Variants in PPIL6 observed in about 807,000 individuals in gnomAD.
PPIL6 encodes the protein peptidylprolyl isomerase like 6.
Under a neutral mutation model 36.8 loss-of-function variants are expected in PPIL6, and 39 were observed. That is an observed-to-expected ratio of 1.06 (90% CI 0.82 to 1.38). PPIL6 has a LOEUF of 1.38. PPIL6 is among the 40% of genes most tolerant of loss of function. The probability of loss-of-function intolerance (pLI) is 0.00; values close to 1 mark genes in which losing one functional copy is unlikely to be tolerated. For missense variants in PPIL6, 368 were observed against 379.1 expected (o/e 0.97, Z 0.24); for synonymous variants, 123 against 134.1 (o/e 0.92, Z 0.57).
chr6:109,419,626 T>C (rs1487005985), intron 5 of PPIL6, among the ~76,000 whole-genome samples: 1 of 151,552 alleles, frequency 6.6e-6, no homozygotes, highest in Admixed American at 6.6e-5. Flanking sequence ...GGGAGGCTGA[T>C]GCAGGAGAAT....
In PPIL6 at chr6:109,427,153, C is replaced by A; in HGVS notation, c.424G>T (p.Asp142Tyr). The A allele has an allele frequency of 6.2e-7, 1 of 1,610,600 alleles. No homozygotes were observed. The highest frequency in any genetic ancestry group is 1.1e-5 in the South Asian group (1 of 90,678). The change falls in exon 4 of 8, where the codon GAT (aspartate) becomes TAT (tyrosine). Residue 142 changes from aspartate to tyrosine, a missense_variant. Physicochemically the swap from Asp to Tyr is radical, Grantham distance 160. Coordinates refer to ENST00000521072, the MANE Select transcript of PPIL6 (RefSeq NM_173672.5). Reference protein sequence around the residue: ...SAKFLRDTKHDFVFLDICIDS... With the variant: ...SAKFLRDTKHYFVFLDICIDS... Reference sequence around the variant, plus strand: ...ATACAAATGTCCAAAAACACGAAATCATGCTGTGAAGATTAAGGAGAATCA... The same window carrying A: ...ATACAAATGTCCAAAAACACGAAATAATGCTGTGAAGATTAAGGAGAATCA...
At chr6:109,424,357 G>T (rs1773709203) in intron 5 of PPIL6, among the ~76,000 whole-genome samples, 1 of 152,096 alleles carries the variant, frequency 6.6e-6, no homozygotes, top group South Asian at 2.1e-4. Flanking sequence ...GTGCAACCGA[G>T]TGTGTAAGAG....
intron 1 of PPIL6, among the ~76,000 whole-genome samples, chr6:109,439,033 A>C (rs1233545821): frequency 2.6e-5 from 4 of 152,246 alleles, no homozygotes; most frequent in South Asian, 2.1e-4. Context: ...CACAGGAAAA[A>C]GCTAAACAGG....
chr6:109,392,689 T>C lies in PPIL6; in HGVS notation c.*137A>G, dbSNP rs530378434. The C allele has an allele frequency of 6.9e-6, 4 of 583,920 alleles. No individual in the cohort carries two copies. In the South Asian group the frequency reaches 8.6e-5, roughly 13 times the overall value. The allele number at this position is 583,920 out of a possible 1,614,324, so 36.2% of individuals were successfully genotyped here. On this transcript the variant is annotated 3_prime_UTR_variant, in exon 8 of 8. Transcript: ENST00000521072. ...GACAGGAAAGGAAGATGGGGAGGGA[T>C]TGGGTGTAGATGAGGCAACCTACAG...
intron 5 of PPIL6, among the ~76,000 whole-genome samples, chr6:109,425,642 G>A (rs779685938): frequency 6.6e-6 from 1 of 151,822 alleles, no homozygotes; most frequent in Non-Finnish European, 1.5e-5. Context: ...CTGGCTACTC[G>A]GGAGGCTGAG....
At chr6:109,399,945 T>C in intron 7 of PPIL6, 90 bp downstream of exon 7, 1 of 1,023,720 alleles carries the variant, frequency 9.8e-7, no homozygotes, top group Non-Finnish European at 1.4e-6. Flanking sequence ...TTTAGCTACC[T>C]ATACACTATA....
chr6:109,414,743 G>T (rs1028399523), intron 6 of PPIL6, among the ~76,000 whole-genome samples: 1 of 152,014 alleles, frequency 6.6e-6, no homozygotes. Context: ...TTGATCTACA[G>T]TTGACCCTTA....
chr6:109,439,214 T>C (rs948880800), intron 1 of PPIL6, among the ~76,000 whole-genome samples: 3 of 152,226 alleles, frequency 2.0e-5, no homozygotes, highest in Admixed American at 6.5e-5. Context: ...CATTAATACA[T>C]TAACTTTGTA....
At chr6:109,398,350 A>T (rs997215705) in intron 7 of PPIL6, among the ~76,000 whole-genome samples, 1 of 152,220 alleles carries the variant, frequency 6.6e-6, no homozygotes, top group African/African-American at 2.4e-5. Context: ...TATTTTTTCA[A>T]CCTGGAAGTA....
At chr6:109,431,401 G>A in intron 2 of PPIL6, 56 bp from the exon 3 acceptor site, 1 of 1,330,078 alleles carries the variant, frequency 7.5e-7, no homozygotes, top group South Asian at 1.4e-5. Flanking sequence ...GGGAAAACTT[G>A]CTAAACCCAT....
At chr6:109,422,607 G>T (rs1258625623) in intron 5 of PPIL6, among the ~76,000 whole-genome samples, 1 of 152,042 alleles carries the variant, frequency 6.6e-6, no homozygotes, top group African/African-American at 2.4e-5. Context: ...AAGAATGTGG[G>T]AATGTCTTCA....
chr6:109,424,151 T>TCATTAGACATACTACC (rs1773693183), intron 5 of PPIL6, among the ~76,000 whole-genome samples: 1 of 151,924 alleles, frequency 6.6e-6, no homozygotes, highest in African/African-American at 2.4e-5. Context: ...GGCAGTTTCA[T>TCATTAGACATACTACC]ATAGGGTGGT....
intron 4 of PPIL6, 37 bp from the exon 5 acceptor site, chr6:109,427,031 A>G: frequency 1.3e-6 from 2 of 1,597,688 alleles, no homozygotes. Context: ...AAGATTAAAT[A>G]TTTAACACTC....
chr6:109,400,959 A>C (rs1351076127), intron 6 of PPIL6, among the ~76,000 whole-genome samples: 2 of 151,208 alleles, frequency 1.3e-5, no homozygotes, highest in African/African-American at 4.9e-5. Context: ...TCCCGGGTTC[A>C]CGCCATTCTC....
intron 6 of PPIL6, among the ~76,000 whole-genome samples, chr6:109,412,113 G>A (rs1773039349): frequency 6.6e-6 from 1 of 152,210 alleles, no homozygotes; most frequent in Non-Finnish European, 1.5e-5. Context: ...GGCAACACCT[G>A]GGAGTTACTG....
intron 5 of PPIL6, among the ~76,000 whole-genome samples, chr6:109,425,315 C>T (rs1213227080): frequency 1.3e-5 from 2 of 152,030 alleles, no homozygotes; most frequent in Admixed American, 1.3e-4. Flanking sequence ...AAAATATGAC[C>T]CAAGATCTGT....
intron 6 of PPIL6, chr6:109,403,007 C>T: frequency 6.8e-7 from 1 of 1,480,338 alleles, no homozygotes; most frequent in Non-Finnish European, 9.1e-7. Flanking sequence ...GTCTCTCTGA[C>T]TCACTCTTTA....
intron 3 of PPIL6, among the ~76,000 whole-genome samples, chr6:109,428,851 T>G (rs953044423): frequency 1.3e-5 from 2 of 152,084 alleles, no homozygotes; most frequent in African/African-American, 4.8e-5. Context: ...CTTCAGAGGC[T>G]CAGGAGGATA....
intron 5 of PPIL6, among the ~76,000 whole-genome samples, chr6:109,422,971 A>C (rs1773626684): frequency 6.6e-6 from 1 of 152,206 alleles, no homozygotes; most frequent in Non-Finnish European, 1.5e-5. Flanking sequence ...CTCACACCAT[A>C]GCAGCGCTCA....
Sources: allele counts gnomAD v4.1 joint callset (sites outside exome capture counted in the v4.1 genomes callset), GRCh38; gene constraint gnomAD v4.1.1; transcripts MANE v1.5; gene names NCBI Gene and HGNC (gene_info 2026-07-23, HGNC 2026-07-21).